SLC16A4: variants seen among roughly 807,000 people sequenced by gnomAD.
SLC16A4 encodes probable monocarboxylate transporter 5.
A neutral mutation model predicts 47.9 loss-of-function variants in SLC16A4; 39 were observed. The ratio of observed to expected loss-of-function variants is 0.81; its 90% CI spans 0.63 to 1.06. SLC16A4 has a LOEUF of 1.06. Ranked by LOEUF, SLC16A4 falls within the 50% of genes least tolerant of loss-of-function variation. The pLI, the probability that SLC16A4 is intolerant of heterozygous loss-of-function variation, is 0.00. For missense variants in SLC16A4, 524 were observed against 573.8 expected, an observed-to-expected ratio of 0.91 and a Z score of 0.89; for synonymous variants, 189 against 199.9, an observed-to-expected ratio of 0.95 and a Z score of 0.46.
chr1:110,379,395 C>T, intron 5 of SLC16A4, 39 bp from the exon 6 acceptor site: 1 of 1,550,306 alleles, frequency 6.5e-7, no homozygotes, highest in Non-Finnish European at 8.7e-7. Context: ...AATAGCCTTT[C>T]AGTTCACAAT....
At chr1:110,388,110 G>GC (rs1662830107) in intron 2 of SLC16A4, among the ~76,000 whole-genome samples, 1 of 150,874 alleles carries the variant, frequency 6.6e-6, no homozygotes, top group Non-Finnish European at 1.5e-5. Flanking sequence ...AGAAAAGGGT[G>GC]TTTTTTTTTG....
intron 2 of SLC16A4, among the ~76,000 whole-genome samples, chr1:110,383,176 C>A (rs1662518461): frequency 6.6e-6 from 1 of 152,128 alleles, no homozygotes. Flanking sequence ...CTCATTTAAT[C>A]CTCATTTCAT....
chr1:110,387,924 CT>C (rs1662819492), intron 2 of SLC16A4, among the ~76,000 whole-genome samples: 3 of 104,634 alleles, frequency 2.9e-5, no homozygotes, highest in Admixed American at 1.0e-4. Context: ...CTGGGGACCT[CT>C]GCCCCTATCT....
intron 8 of SLC16A4, among the ~76,000 whole-genome samples, chr1:110,367,197 G>T (rs1474223375): frequency 6.6e-6 from 1 of 152,218 alleles, no homozygotes; most frequent in African/African-American, 2.4e-5. Context: ...CTCTACTGCT[G>T]AAAGTAAAAG....
Position 110,364,749 on chromosome 1 carries a change from G to A in SLC16A4, c.1337-856C>T, listed in dbSNP as rs1164066180. The stretch of plus-strand genomic sequence containing the variant: ...TGGTCTTGAACTCCTGACCTCCAGT[G>A]ATCCGCCTACCTCGGCCTCCCAAAG... On this transcript the variant is annotated intron_variant, in intron 8 of 8. Transcript: ENST00000369779. Among the ~76,000 whole-genome samples the A allele has an allele frequency of 3.3e-5, 5 of 152,128 alleles. No homozygotes were observed. The East Asian group carries it at 7.7e-4, about 24-fold the overall frequency.
intron 2 of SLC16A4, among the ~76,000 whole-genome samples, chr1:110,383,483 C>T (rs763234801): frequency 2.0e-5 from 3 of 151,854 alleles, no homozygotes; most frequent in Non-Finnish European, 4.4e-5. Flanking sequence ...CAAAGCTGCC[C>T]TTTTGCGCTG....
intron 6 of SLC16A4, among the ~76,000 whole-genome samples, chr1:110,377,989 C>T (rs1172254988): frequency 6.6e-6 from 1 of 152,050 alleles, no homozygotes; most frequent in Non-Finnish European, 1.5e-5. Flanking sequence ...GCAACCACGC[C>T]TGGCTAATTT....
Position 110,363,487 on chromosome 1 carries a change from G to A in SLC16A4, c.*279C>T. 1 of 192,694 alleles carries A rather than the reference G, an allele frequency of 5.2e-6. No individual in the cohort carries two copies. Among genetic ancestry groups the A allele is most frequent in the Non-Finnish European group, 1.1e-5 (1 of 94,348 alleles). 11.9% of individuals were successfully genotyped at this position (192,694 alleles called of 1,614,324 possible). On this transcript the variant is annotated 3_prime_UTR_variant, in exon 9 of 9. Transcript: ENST00000369779. ...TAAAAATACAAAAAATTAGCTGGGTGTGGTGGCGTGTGCCTGTAGTCCCAG... is the reference window on the plus strand; with the variant it reads ...TAAAAATACAAAAAATTAGCTGGGTATGGTGGCGTGTGCCTGTAGTCCCAG...
In SLC16A4 at chr1:110,379,143, A is replaced by C. The variant is rs1377317316; in HGVS notation, c.740T>G (p.Leu247Arg). The change falls in exon 6 of 9, where the codon CTA becomes CGA. Residue 247 changes from leucine (L) to arginine (R), a missense_variant. Transcript: ENST00000369779. ...TGAGACTGTTAAATTTTTGCTAGGT[A>C]GTCCAGCCTTCTGCGTAGTACTGTC... ...IKDSTTQKAG[L>R]PSKNLTVSQN... 1.2e-5 allele frequency: 20 copies of C among 1,614,124 alleles called. No individual in the cohort carries two copies. The highest frequency in any genetic ancestry group is 1.4e-5 in the Non-Finnish European group (17 of 1,180,052).
At position 110,381,791 on chromosome 1, in the gene SLC16A4, G is replaced by C; in HGVS notation, c.225C>G (p.Pro75=). 1 of 1,610,974 alleles carries C rather than the reference G, an allele frequency of 6.2e-7. No individual in the cohort carries two copies. The part of the protein sequence containing the change: ...IMSSLRFCAG[P]LVAIICDILG... ...GTATGTCACAAATAATAGCAACCAG[G>C]GGACCTTAAGAGAAGAAAGAAAGGC... is the stretch of plus-strand genomic sequence containing the variant. The change falls in exon 4 of 9, where the codon CCC becomes CCG. Residue 75 remains proline, a synonymous_variant. Coordinates refer to ENST00000369779, the MANE Select transcript of SLC16A4 (RefSeq NM_004696.3).
intron 8 of SLC16A4, among the ~76,000 whole-genome samples, chr1:110,374,785 C>A (rs1194552216): frequency 2.0e-5 from 3 of 152,206 alleles, no homozygotes; most frequent in Non-Finnish European, 1.5e-5. Context: ...AGAGATGGGG[C>A]CTTTAGGCCA....
rs372662307 is a variant in SLC16A4 at position 110,375,618 on chromosome 1, AG to A, written c.1243-68del. The A allele has an allele frequency of 9.5e-5, 81 of 856,704 alleles. No individual in the cohort carries two copies. In the African/African-American group the frequency reaches 1.2e-3, roughly 13 times the overall value. The allele number at this position is 856,704 out of a possible 1,614,324, so 53.1% of individuals were successfully genotyped here. On this transcript the variant is annotated intron_variant, in intron 7 of 8. Coordinates refer to ENST00000369779, the MANE Select transcript of SLC16A4 (RefSeq NM_004696.3). ...AATTCTATAGAGACCTATGCCTAAA[AG>A]GGACAAATACTATTTATATCATCTC...
chr1:110,375,110 G>A (rs1661912717), intron 8 of SLC16A4: 1 of 183,100 alleles, frequency 5.5e-6, no homozygotes, highest in African/African-American at 2.4e-5. Flanking sequence ...AGAATTACAG[G>A]CGTGAGCAAT....
intron 8 of SLC16A4, chr1:110,371,688 G>C (rs541312697): frequency 6.6e-6 from 1 of 152,312 alleles, no homozygotes; most frequent in South Asian, 2.1e-4. Flanking sequence ...GGGTTTGGAT[G>C]AGCTGTGTGA....
chr1:110,381,768 A>G lies in SLC16A4; in HGVS notation c.248T>C (p.Ile83Thr). 1.9e-6 allele frequency: 3 copies of G among 1,613,200 alleles called. No individual in the cohort carries two copies. The highest frequency in any genetic ancestry group is 2.7e-5 in the African/African-American group (2 of 75,016). ...AATGGAGGTAGTTTTCTCTCCAAGT[A>G]TGTCACAAATAATAGCAACCAGGGG... The part of the protein sequence containing the change: ...AGPLVAIICD[I>T]LGEKTTSILG... Residue 83 changes from isoleucine to threonine, a missense_variant, in exon 4 of 9, where the codon ATA (isoleucine) becomes ACA (threonine). By Grantham distance (89) the Ile-to-Thr change is moderately conservative. Transcript: ENST00000369779.
chr1:110,390,258 G>A (rs1016383045), intron 1 of SLC16A4, among the ~76,000 whole-genome samples: 2 of 152,132 alleles, frequency 1.3e-5, no homozygotes, highest in African/African-American at 4.8e-5. Flanking sequence ...CAGTTTCTTG[G>A]AGAAGCTGTG....
At chr1:110,383,375 C>G (rs1280983242) in intron 2 of SLC16A4, among the ~76,000 whole-genome samples, 1 of 152,140 alleles carries the variant, frequency 6.6e-6, no homozygotes, top group Non-Finnish European at 1.5e-5. Context: ...ATCAGTTTCC[C>G]CGAGCTTTTG....
intron 8 of SLC16A4, among the ~76,000 whole-genome samples, chr1:110,368,450 C>T (rs1000333211): frequency 3.3e-5 from 5 of 152,164 alleles, no homozygotes; most frequent in South Asian, 2.1e-4. Context: ...AGGCTACCTG[C>T]GTCAGATTTA....
intron 2 of SLC16A4, among the ~76,000 whole-genome samples, chr1:110,386,794 TCTATTA>T (rs1309921231): frequency 1.3e-5 from 2 of 152,170 alleles, no homozygotes; most frequent in Non-Finnish European, 2.9e-5. Context: ...TAAAAAATGG[TCTATTA>T]GGTATCTCCA....
Sources: gnomAD v4.1 joint callset for allele counts (sites outside exome capture counted in the v4.1 genomes callset) on GRCh38, gnomAD v4.1.1 for gene constraint, MANE v1.5 for transcripts, NCBI Gene and HGNC (gene_info 2026-07-23, HGNC 2026-07-21) for gene names.